Variants in NKAIN3 observed in about 807,000 individuals in gnomAD.
NKAIN3 encodes the protein sodium/potassium-transporting ATPase subunit beta-1-interacting protein 3.
In NKAIN3, 25 loss-of-function variants were observed where a neutral mutation model predicts 30.2. The ratio of observed to expected loss-of-function variants is 0.83; its 90% CI spans 0.60 to 1.16. NKAIN3 has a LOEUF of 1.16. Among genes scored for constraint, NKAIN3 ranks in the 50% most tolerant of loss-of-function variants. The pLI, the probability that NKAIN3 is intolerant of heterozygous loss-of-function variation, is 0.00. For synonymous variants in NKAIN3, 91 were observed against 89.6 expected, an observed-to-expected ratio of 1.02 and a Z score of -0.09; for missense variants, 225 against 254.1, an observed-to-expected ratio of 0.89 and a Z score of 0.78.
chr8:62,363,656 CAAG>C (rs1816633365), intron 1 of NKAIN3, among the ~76,000 whole-genome samples: 2 of 152,104 alleles, frequency 1.3e-5, no homozygotes, highest in African/African-American at 4.8e-5. Flanking sequence ...AAGTATGTTA[CAAG>C]TGCCTTAAAT....
intron 1 of NKAIN3, among the ~76,000 whole-genome samples, chr8:62,456,187 A>G (rs1585828531): frequency 6.6e-6 from 1 of 152,314 alleles, no homozygotes; most frequent in African/African-American, 2.4e-5. Flanking sequence ...ACAGAAAGCA[A>G]AACTGTGGAT....
At position 62,597,298 on chromosome 8, in the gene NKAIN3, G is replaced by A. The variant is rs574209017; in HGVS notation, c.273+7504G>A. Among the ~76,000 whole-genome samples, 53 of 152,196 alleles carry A rather than the reference G, an allele frequency of 3.5e-4. 1 individual carries two copies. In the South Asian group the frequency reaches 0.011, roughly 30 times the overall value. ...CTGGAAAGCCGCTTCTGCTTCATGTGTCCATCTTACTAAATGGGTATCGGC... is the reference window on the plus strand; with the variant it reads ...CTGGAAAGCCGCTTCTGCTTCATGTATCCATCTTACTAAATGGGTATCGGC... On this transcript the variant is annotated intron_variant, in intron 3 of 6. Transcript: ENST00000623646.
At chr8:62,858,070 T>C (rs1820116750) in intron 4 of NKAIN3, among the ~76,000 whole-genome samples, 1 of 152,134 alleles carries the variant, frequency 6.6e-6, no homozygotes, top group African/African-American at 2.4e-5. Flanking sequence ...TTTTTTGTTG[T>C]TGTTGTTTTT....
At chr8:62,401,498 T>C (rs559085026) in intron 1 of NKAIN3, among the ~76,000 whole-genome samples, 128 of 152,306 alleles carry the variant, frequency 8.4e-4, no homozygotes, top group African/African-American at 2.8e-3. Context: ...TGGATGTTTA[T>C]CATTATCGAG....
chr8:62,901,888 G>C (rs899740036), intron 4 of NKAIN3, among the ~76,000 whole-genome samples: 1 of 152,184 alleles, frequency 6.6e-6, no homozygotes, highest in Admixed American at 6.6e-5. Flanking sequence ...TGGATGGCAG[G>C]AGCAGCACCT....
At chr8:62,292,336 G>A (rs940710047) in intron 1 of NKAIN3, among the ~76,000 whole-genome samples, 5 of 152,130 alleles carry the variant, frequency 3.3e-5, no homozygotes, top group African/African-American at 1.2e-4. Context: ...AGCCTCGATG[G>A]TCTTTACAAT....
chr8:62,593,135 A>T (rs1367994438), intron 3 of NKAIN3, among the ~76,000 whole-genome samples: 1 of 152,038 alleles, frequency 6.6e-6, no homozygotes, highest in Non-Finnish European at 1.5e-5. Flanking sequence ...ATTACAATTT[A>T]TATTTTCTAT....
At chr8:62,858,982 A>C (rs1820153079) in intron 4 of NKAIN3, among the ~76,000 whole-genome samples, 1 of 152,150 alleles carries the variant, frequency 6.6e-6, no homozygotes, top group South Asian at 2.1e-4. Flanking sequence ...TGGAGTATGT[A>C]AAGCTCCTGG....
chr8:62,913,992 G>A (rs755578079), intron 4 of NKAIN3, among the ~76,000 whole-genome samples: 16 of 152,110 alleles, frequency 1.1e-4, no homozygotes, highest in Non-Finnish European at 2.1e-4. Flanking sequence ...CCTGTTACTG[G>A]GTATATACCC....
chr8:62,907,325 A>G (rs1185251421), intron 4 of NKAIN3, among the ~76,000 whole-genome samples: 2 of 152,202 alleles, frequency 1.3e-5, no homozygotes, highest in African/African-American at 4.8e-5. Context: ...TGGAATTGGA[A>G]CTTATGTTTA....
At chr8:62,830,307 T>A (rs908869578) in intron 4 of NKAIN3, among the ~76,000 whole-genome samples, 1 of 152,176 alleles carries the variant, frequency 6.6e-6, no homozygotes, top group Admixed American at 6.5e-5. Flanking sequence ...ATTACTGTTT[T>A]CTCCCACTAA....
chr8:62,805,050 A>C (rs1818223083), intron 4 of NKAIN3, among the ~76,000 whole-genome samples: 1 of 152,332 alleles, frequency 6.6e-6, no homozygotes, highest in South Asian at 2.1e-4. Context: ...TCCCATTCAC[A>C]ATTGCTTCAA....
chr8:62,486,804 T>G (rs540453025), intron 1 of NKAIN3, among the ~76,000 whole-genome samples: 21 of 152,338 alleles, frequency 1.4e-4, no homozygotes, highest in African/African-American at 5.1e-4. Context: ...AACTTCATTC[T>G]GCATCCTTTT....
At chr8:62,750,673 G>C (rs17264159) in intron 4 of NKAIN3, among the ~76,000 whole-genome samples, 1 of 152,138 alleles carries the variant, frequency 6.6e-6, no homozygotes, top group Non-Finnish European at 1.5e-5. Context: ...GAAGGTTCTT[G>C]TTGTCCTAAA....
intron 4 of NKAIN3, chr8:62,856,441 C>G (rs1383024191): frequency 1.5e-5 from 12 of 789,188 alleles, no homozygotes; most frequent in Non-Finnish European, 2.3e-5. Flanking sequence ...GGTGATATCT[C>G]TATAGAATAA....
chr8:62,406,183 G>T (rs764970427), intron 1 of NKAIN3, among the ~76,000 whole-genome samples: 18 of 152,106 alleles, frequency 1.2e-4, no homozygotes, highest in Non-Finnish European at 2.1e-4. Flanking sequence ...GTACATACAA[G>T]GTATTCAATA....
intron 3 of NKAIN3, among the ~76,000 whole-genome samples, chr8:62,687,401 G>A (rs947662259): frequency 6.6e-6 from 1 of 152,204 alleles, no homozygotes; most frequent in Non-Finnish European, 1.5e-5. Context: ...AAGTTTGGGA[G>A]TGTCCTGAGG....
chr8:62,403,320 C>T (rs2129595398), intron 1 of NKAIN3, among the ~76,000 whole-genome samples: 1 of 152,284 alleles, frequency 6.6e-6, no homozygotes, highest in East Asian at 1.9e-4. Flanking sequence ...AAGCCAGCTA[C>T]AGAAATCTGC....
At chr8:62,961,727 A>T (rs1454753170) in intron 6 of NKAIN3, among the ~76,000 whole-genome samples, 1 of 152,186 alleles carries the variant, frequency 6.6e-6, no homozygotes, top group African/African-American at 2.4e-5. Context: ...TCATAAATGA[A>T]CTCTTCAGAA....
Sources: gnomAD v4.1 joint callset for allele counts (sites outside exome capture counted in the v4.1 genomes callset) on GRCh38, gnomAD v4.1.1 for gene constraint, MANE v1.5 for transcripts, NCBI Gene and HGNC (gene_info 2026-07-23, HGNC 2026-07-21) for gene names.